The following ATP9B variants were observed in gnomAD, a reference collection of about 807,000 sequenced individuals.
ATP9B encodes the protein ATPase phospholipid transporting 9B.
A neutral mutation model predicts 146.1 loss-of-function variants in ATP9B; 110 were observed. The observed-to-expected ratio is 0.75, with a 90% confidence interval of 0.65 to 0.88. The LOEUF is 0.88. Ranked by LOEUF, ATP9B falls within the 40% of genes least tolerant of loss-of-function variation. ATP9B has a pLI of 0.00. For synonymous variants in ATP9B, 604 were observed against 569.7 expected (o/e 1.06, Z -0.86); for missense variants, 1,499 against 1,496.4 (o/e 1.00, Z -0.03).
At chr18:79,273,692 T>C (rs538182179) in intron 12 of ATP9B, among the ~76,000 whole-genome samples, 1 of 152,330 alleles carries the variant, frequency 6.6e-6, no homozygotes, top group South Asian at 2.1e-4. Flanking sequence ...AGCTTAAATG[T>C]AGCAAGCATC....
chr18:79,100,533 T>C (rs2075190106), intron 2 of ATP9B, among the ~76,000 whole-genome samples: 1 of 152,250 alleles, frequency 6.6e-6, no homozygotes, highest in African/African-American at 2.4e-5. Flanking sequence ...AATAAAACTA[T>C]ACCAGCTTTT....
chr18:79,327,557 G>A (rs927635824), intron 15 of ATP9B, among the ~76,000 whole-genome samples: 65 of 129,494 alleles, frequency 5.0e-4, no homozygotes, highest in African/African-American at 1.5e-3. Context: ...CGTGGTTAGC[G>A]TGCTCTCCGT....
At chr18:79,141,626 C>G (rs1216873242) in intron 5 of ATP9B, among the ~76,000 whole-genome samples, 4 of 152,200 alleles carry the variant, frequency 2.6e-5, no homozygotes, top group African/African-American at 4.8e-5. Context: ...TGTCCATTTC[C>G]TAAACACTTT....
At chr18:79,293,601 A>G in intron 13 of ATP9B, among the ~76,000 whole-genome samples, 1 of 152,220 alleles carries the variant, frequency 6.6e-6, no homozygotes, top group East Asian at 1.9e-4. Context: ...GCAGCACCTC[A>G]GCCTCGGACT....
intron 2 of ATP9B, among the ~76,000 whole-genome samples, chr18:79,101,674 T>C (rs1426945386): frequency 1.3e-5 from 2 of 152,352 alleles, no homozygotes; most frequent in African/African-American, 4.8e-5. Flanking sequence ...AGATCCAGTT[T>C]ATTGTCACTG....
At chr18:79,142,384 T>C (rs2094524481) in intron 5 of ATP9B, among the ~76,000 whole-genome samples, 1 of 152,186 alleles carries the variant, frequency 6.6e-6, no homozygotes, top group Non-Finnish European at 1.5e-5. Flanking sequence ...GTGTTATGAC[T>C]GTAGTGTTTC....
At chr18:79,206,772 C>T (rs947015270) in intron 9 of ATP9B, among the ~76,000 whole-genome samples, 165 bp from the exon 10 acceptor site, 3 of 152,144 alleles carry the variant, frequency 2.0e-5, no homozygotes, top group Non-Finnish European at 2.9e-5. Context: ...CTTGTACTTT[C>T]AATTTTTTAT....
intron 9 of ATP9B, among the ~76,000 whole-genome samples, chr18:79,200,989 A>G (rs2095481573): frequency 6.6e-6 from 1 of 152,152 alleles, no homozygotes; most frequent in Admixed American, 6.5e-5. Context: ...GAATTTAGGA[A>G]CGGGAATGGC....
intron 2 of ATP9B, 52 bp from the exon 3 acceptor site, chr18:79,110,302 CT>C: frequency 6.1e-6 from 9 of 1,476,888 alleles, no homozygotes; most frequent in Non-Finnish European, 8.1e-6. Context: ...TTAGTTTGAA[CT>C]TTTTTAAAAA....
At chr18:79,130,868 A>G (rs1394910597) in intron 5 of ATP9B, among the ~76,000 whole-genome samples, 3 of 152,220 alleles carry the variant, frequency 2.0e-5, no homozygotes, top group Non-Finnish European at 2.9e-5. Context: ...TCATTCAGAA[A>G]TGAAGAAGTT....
chr18:79,142,517 A>G (rs1389382943), intron 5 of ATP9B, among the ~76,000 whole-genome samples: 2 of 152,214 alleles, frequency 1.3e-5, no homozygotes, highest in Non-Finnish European at 2.9e-5. Context: ...ACTTTAGGTC[A>G]GTGGGGCATC....
intron 4 of ATP9B, among the ~76,000 whole-genome samples, chr18:79,123,707 C>A (rs540942993): frequency 1.3e-5 from 2 of 152,238 alleles, no homozygotes; most frequent in East Asian, 3.9e-4. Context: ...CAGTATGGTA[C>A]TGACATAAAG....
At chr18:79,203,212 A>T (rs2095504261) in intron 9 of ATP9B, among the ~76,000 whole-genome samples, 1 of 151,858 alleles carries the variant, frequency 6.6e-6, no homozygotes, top group African/African-American at 2.4e-5. Context: ...TGCATCATGG[A>T]GGCAGTAGGA....
At chr18:79,174,798 A>G (rs1263612638) in intron 7 of ATP9B, among the ~76,000 whole-genome samples, 2 of 152,180 alleles carry the variant, frequency 1.3e-5, no homozygotes, top group Non-Finnish European at 2.9e-5. Flanking sequence ...AAAGAATACT[A>G]TAGCAATGCT....
chr18:79,144,862 C>G (rs1053903159), intron 6 of ATP9B: 2 of 155,744 alleles, frequency 1.3e-5, no homozygotes, highest in Admixed American at 1.3e-4. Context: ...ATAATTCATA[C>G]AGTTAAAAAA....
intron 13 of ATP9B, among the ~76,000 whole-genome samples, chr18:79,290,959 G>T (rs2096497195): frequency 6.6e-6 from 1 of 152,268 alleles, no homozygotes; most frequent in African/African-American, 2.4e-5. Flanking sequence ...GTAGAGTTTA[G>T]GGGTGAGGCC....
At chr18:79,130,789 C>G (rs920962874) in intron 5 of ATP9B, among the ~76,000 whole-genome samples, 4 of 151,826 alleles carry the variant, frequency 2.6e-5, no homozygotes, top group African/African-American at 4.8e-5. Context: ...AGTGGGGTGA[C>G]ATTTTTAAAA....
intron 7 of ATP9B, among the ~76,000 whole-genome samples, chr18:79,169,281 C>CT (rs1036526955): frequency 6.6e-6 from 1 of 152,200 alleles, no homozygotes; most frequent in African/African-American, 2.4e-5. Flanking sequence ...TCTAGAACCT[C>CT]TTATTTTCTC....
chr18:79,156,450 T>C (rs753501564), intron 7 of ATP9B, among the ~76,000 whole-genome samples: 1 of 152,226 alleles, frequency 6.6e-6, no homozygotes, highest in Non-Finnish European at 1.5e-5. Context: ...AGGGCAGTCT[T>C]GGAAACTGCT....
Sources: gnomAD v4.1 joint callset for allele counts (sites outside exome capture counted in the v4.1 genomes callset) on GRCh38, gnomAD v4.1.1 for gene constraint, MANE v1.5 for transcripts, NCBI Gene and HGNC (gene_info 2026-07-23, HGNC 2026-07-21) for gene names.